CFAP47: variants seen among roughly 807,000 people sequenced by gnomAD.
The protein encoded by CFAP47 is cilia and flagella associated protein 47.
Under a neutral mutation model 148.1 loss-of-function variants are expected in CFAP47, and 29 were observed. That is an observed-to-expected ratio of 0.20 (90% confidence interval 0.15 to 0.27). The LOEUF is 0.27. Among genes scored for constraint, CFAP47 ranks in the 10% least tolerant of loss-of-function variants. CFAP47 has a pLI of 1.00. For synonymous variants in CFAP47, 664 were observed against 577.3 expected (o/e 1.15, Z -2.15); for missense variants, 1,872 against 1,697.5 (o/e 1.10, Z -1.81).
At chrX:36,144,299 C>A (rs1486685275) in intron 35 of CFAP47, among the ~76,000 whole-genome samples, 2 of 111,343 alleles carry the variant, frequency 1.8e-5, no homozygotes, top group Non-Finnish European at 1.9e-5. Flanking sequence ...GTTACTAGAT[C>A]AGTGTTCTAC....
intron 24 of CFAP47, among the ~76,000 whole-genome samples, chrX:36,038,606 A>G (rs1410209974): frequency 9.0e-6 from 1 of 111,699 alleles, no homozygotes; most frequent in African/African-American, 3.2e-5. Context: ...CCTTATGGCA[A>G]TGATCTATCC....
At chrX:36,248,213 CAT>C (rs1555997486) in intron 48 of CFAP47, among the ~76,000 whole-genome samples, 1 of 104,393 alleles carries the variant, frequency 9.6e-6, no homozygotes, top group African/African-American at 3.4e-5. Context: ...TATTATATAT[CAT>C]ATATGTATTA....
chrX:36,367,338 A>G (rs1412202312), intron 62 of CFAP47, among the ~76,000 whole-genome samples: 1 of 112,254 alleles, frequency 8.9e-6, no homozygotes, highest in East Asian at 2.8e-4. Flanking sequence ...GAAAAACAAA[A>G]GTAAATAATT....
intron 26 of CFAP47, 61 bp from the exon 27 acceptor site, chrX:36,065,582 G>A: frequency 1.6e-6 from 1 of 623,082 alleles, no homozygotes; most frequent in Non-Finnish European, 2.6e-6. Flanking sequence ...ATACTTAAAT[G>A]CATGGCATTT....
At chrX:36,061,627 T>C (rs1305577488) in intron 26 of CFAP47, among the ~76,000 whole-genome samples, 2 of 112,473 alleles carry the variant, frequency 1.8e-5, no homozygotes, top group Non-Finnish European at 3.8e-5. Context: ...ACATATGAAA[T>C]ATTTTGCTAA....
intron 27 of CFAP47, 140 bp from the exon 28 acceptor site, chrX:36,071,685 T>A: frequency 2.3e-6 from 1 of 426,785 alleles, no homozygotes; most frequent in Admixed American, 5.6e-5. Flanking sequence ...TTAGACTTTT[T>A]TTTTACTTTG....
rs140362073 is a variant in CFAP47 at position 35,980,252 on chromosome X, C to A, written c.2713+4339C>A. 5.8e-3 allele frequency among the ~76,000 whole-genome samples: 650 copies of A among 111,518 alleles called. 7 individuals are homozygous for A. Among genetic ancestry groups the A allele is most frequent in the African/African-American group, 0.02 (622 of 30,673 alleles). On this transcript the variant is annotated intron_variant, in intron 15 of 63. Coordinates refer to ENST00000378653, the MANE Select transcript of CFAP47 (RefSeq NM_001304548.2). ...CAGCCATCCAGTTTCTTTCCCATAC[C>A]CCTGATATACTTAATATTCCTGAAG...
At chrX:36,188,531 C>G in intron 40 of CFAP47, 89 bp from the exon 41 acceptor site, 1 of 289,837 alleles carries the variant, frequency 3.5e-6, no homozygotes, top group African/African-American at 2.7e-5. Context: ...CCATAACTTT[C>G]AAGGCTCTAT....
intron 32 of CFAP47, among the ~76,000 whole-genome samples, chrX:36,103,242 A>G (rs771905902): frequency 9.1e-6 from 1 of 109,832 alleles, no homozygotes; most frequent in African/African-American, 3.3e-5. Flanking sequence ...AGTGAATTAA[A>G]GCAGATAATA....
chrX:36,309,659 A>G (rs1482206377), intron 55 of CFAP47, among the ~76,000 whole-genome samples: 1 of 111,153 alleles, frequency 9.0e-6, no homozygotes, highest in East Asian at 2.8e-4. Context: ...ACATGAAACC[A>G]TGACCTTCTT....
intron 15 of CFAP47, among the ~76,000 whole-genome samples, chrX:35,984,548 T>C (rs1231407538): frequency 9.0e-6 from 1 of 111,511 alleles, no homozygotes; most frequent in African/African-American, 3.3e-5. Flanking sequence ...GATGTTTGGT[T>C]GTTAATTTGA....
chrX:36,257,241 C>T (rs1296415901), intron 49 of CFAP47, among the ~76,000 whole-genome samples: 2 of 110,627 alleles, frequency 1.8e-5, no homozygotes, highest in Non-Finnish European at 3.8e-5. Context: ...TCCCTTTGCC[C>T]GCAGGATTGA....
intron 59 of CFAP47, among the ~76,000 whole-genome samples, chrX:36,350,608 CT>C (rs1257348235): frequency 1.8e-5 from 2 of 111,247 alleles, no homozygotes; most frequent in East Asian, 2.8e-4. Flanking sequence ...GGAAGGTTAA[CT>C]TTGCCAGAAT....
rs970048937 is a variant in CFAP47 at position 36,383,655 on chromosome X, G to T, written c.9355-1142G>T. Among the ~76,000 whole-genome samples, 4 of 111,446 alleles carry T rather than the reference G, an allele frequency of 3.6e-5. No homozygotes were observed. In the South Asian group the frequency reaches 1.1e-3, roughly 31 times the overall value. Reference sequence around the variant, plus strand: ...TTACAAACACTAGATAAATGGTCCAGATATGATTAGGATGAGGCTATTAAG... The same window carrying T: ...TTACAAACACTAGATAAATGGTCCATATATGATTAGGATGAGGCTATTAAG... On this transcript the variant is annotated intron_variant, in intron 63 of 63. Transcript: ENST00000378653.
At chrX:36,042,484 T>C (rs1375131466) in intron 25 of CFAP47, among the ~76,000 whole-genome samples, 1 of 110,982 alleles carries the variant, frequency 9.0e-6, no homozygotes, top group East Asian at 2.8e-4. Flanking sequence ...AAATTCAATA[T>C]AATTTCAGCA....
At chrX:36,316,503 G>C (rs782084070) in intron 56 of CFAP47, among the ~76,000 whole-genome samples, 1 of 111,877 alleles carries the variant, frequency 8.9e-6, no homozygotes, top group Non-Finnish European at 1.9e-5. Context: ...AAGAATGGTT[G>C]CCTCTTTTGA....
At chrX:35,924,103 A>T (rs777894544) in intron 1 of CFAP47, among the ~76,000 whole-genome samples, 1 of 100,914 alleles carries the variant, frequency 9.9e-6, no homozygotes, top group Non-Finnish European at 2.0e-5. Context: ...ACATATATGT[A>T]TATATGTACA....
intron 8 of CFAP47, among the ~76,000 whole-genome samples, chrX:35,963,407 A>G (rs1221596426): frequency 9.0e-6 from 1 of 111,347 alleles, no homozygotes; most frequent in Non-Finnish European, 1.9e-5. Flanking sequence ...AACAATTTCT[A>G]TTTATTAGTT....
chrX:36,256,596 C>A (rs1219150400), intron 49 of CFAP47, among the ~76,000 whole-genome samples: 1 of 111,388 alleles, frequency 9.0e-6, no homozygotes, highest in Non-Finnish European at 1.9e-5. Flanking sequence ...TTTTTTTCAG[C>A]CTGTGAACAT....
Sources: allele counts gnomAD v4.1 joint callset (sites outside exome capture counted in the v4.1 genomes callset), GRCh38; gene constraint gnomAD v4.1.1; transcripts MANE v1.5; gene names NCBI Gene and HGNC (gene_info 2026-07-23, HGNC 2026-07-21).